MMD: variants seen among roughly 807,000 people sequenced by gnomAD.
MMD encodes the protein monocyte to macrophage differentiation factor.
Under a neutral mutation model 33.6 loss-of-function variants are expected in MMD, and 22 were observed. The ratio of observed to expected loss-of-function variants is 0.66; its 90% CI spans 0.47 to 0.94. MMD has a LOEUF of 0.94. Ranked by LOEUF, MMD falls within the 40% of genes least tolerant of loss-of-function variation. The pLI, the probability that MMD is intolerant of heterozygous loss-of-function variation, is 0.00. For missense variants in MMD, 242 were observed against 309.8 expected, an observed-to-expected ratio of 0.78 and a Z score of 1.64; for synonymous variants, 97 against 103.2, an observed-to-expected ratio of 0.94 and a Z score of 0.36.
At chr17:55,405,641 A>G (rs780066919) in intron 4 of MMD, among the ~76,000 whole-genome samples, 159 of 152,220 alleles carry the variant, frequency 1.0e-3, no homozygotes, top group Non-Finnish European at 1.8e-3. Context: ...TACTGAAATA[A>G]GCATTGTTCT....
chr17:55,398,445 T>A (rs1907205904), intron 6 of MMD, among the ~76,000 whole-genome samples: 1 of 151,936 alleles, frequency 6.6e-6, no homozygotes, highest in Non-Finnish European at 1.5e-5. Context: ...TCAGTATCTC[T>A]CCCGTCTTTT....
intron 2 of MMD, among the ~76,000 whole-genome samples, chr17:55,411,712 T>C (rs1907772280): frequency 6.6e-6 from 1 of 151,980 alleles, no homozygotes; most frequent in Admixed American, 6.5e-5. Context: ...TTTTTTATCC[T>C]AATTTCATTA....
intron 1 of MMD, among the ~76,000 whole-genome samples, chr17:55,418,943 G>C (rs189694627): frequency 3.7e-4 from 57 of 152,290 alleles, no homozygotes; most frequent in Non-Finnish European, 1.0e-4. Flanking sequence ...ATACAGTAGA[G>C]CTCTGTGGAT....
rs1907754464 is a variant in MMD at position 55,411,355 on chromosome 17, C to G, written c.171G>C (p.Trp57Cys). 4 of 1,613,960 alleles carry G rather than the reference C, an allele frequency of 2.5e-6. No individual in the cohort carries two copies. Among genetic ancestry groups the G allele is most frequent in the Non-Finnish European group, 3.4e-6 (4 of 1,179,926 alleles). Reference protein sequence around the residue: ...ALLHRLSDDCWEKITAWIYGM... With the variant: ...ALLHRLSDDCCEKITAWIYGM... The stretch of plus-strand genomic sequence containing the variant: ...CATAAATCCATGCTGTTATCTTTTC[C>G]CAGCAGTCATCAGACAGCCGATGGA... Residue 57 changes from tryptophan to cysteine, a missense_variant, in exon 3 of 7, where the codon TGG (tryptophan) becomes TGC (cysteine). Physicochemically the swap from Trp to Cys is radical, Grantham distance 215. Coordinates refer to ENST00000262065, the MANE Select transcript of MMD (RefSeq NM_012329.3).
intron 5 of MMD, among the ~76,000 whole-genome samples, chr17:55,402,986 T>C (rs562547012): frequency 6.6e-6 from 1 of 152,328 alleles, no homozygotes; most frequent in African/African-American, 2.4e-5. Context: ...CAGAATTTAA[T>C]GAACTGTAAA....
intron 1 of MMD, 151 bp downstream of exon 1, chr17:55,421,519 T>G: frequency 1.8e-6 from 2 of 1,105,262 alleles, no homozygotes. Context: ...GACAGCAGGG[T>G]GGGGAATCCC....
At position 55,411,252 on chromosome 17, in the gene MMD, T is replaced by C; in HGVS notation, c.269+5A>G. 1 of 1,611,198 alleles carries C rather than the reference T, an allele frequency of 6.2e-7. No homozygotes were observed. Among genetic ancestry groups the C allele is most frequent in the Non-Finnish European group, 8.5e-7 (1 of 1,178,754 alleles). On this transcript the variant is annotated splice_donor_5th_base_variant and intron_variant, in intron 3 of 6. Coordinates refer to ENST00000262065, the MANE Select transcript of MMD (RefSeq NM_012329.3). ...TCTGTTGAAACAGCATGTCATCCAC[T>C]GTACCTTAAGTGGCTCTTTTTCCAT...
chr17:55,407,658 G>T, intron 4 of MMD, 88 bp downstream of exon 4: 2 of 1,208,298 alleles, frequency 1.7e-6, no homozygotes, highest in Non-Finnish European at 2.4e-6. Flanking sequence ...AGGGCTGAGG[G>T]TGGGGACAAG....
intron 5 of MMD, among the ~76,000 whole-genome samples, chr17:55,401,897 C>A (rs1293341451): frequency 1.3e-5 from 2 of 151,920 alleles, no homozygotes; most frequent in African/African-American, 4.8e-5. Context: ...CACGGTGAAA[C>A]CCGTCCCTAC....
Position 55,411,275 on chromosome 17 carries a change from C to T in MMD, c.251G>A (p.Trp84Ter). The T allele has an allele frequency of 6.2e-7, 1 of 1,612,194 alleles. No individual in the cohort carries two copies. Among genetic ancestry groups the T allele is most frequent in the Non-Finnish European group, 8.5e-7 (1 of 1,179,458 alleles). Residue 84 changes from tryptophan (W) to a stop codon, truncating the protein, a stop_gained, in exon 3 of 7, where the codon TGG (tryptophan) becomes TAG (stop). Transcript: ENST00000262065. LOFTEE classifies it high-confidence loss of function. Reference protein sequence around the residue: ...IVSTVFHIVSWKKSHLRTVEH... With the variant: ...IVSTVFHIVS ...ACTGTACCTTAAGTGGCTCTTTTTC[C>T]ATGATACAATGTGAAATACTGTAGA...
intron 6 of MMD, among the ~76,000 whole-genome samples, chr17:55,395,209 G>A (rs926946610): frequency 6.6e-6 from 1 of 152,210 alleles, no homozygotes; most frequent in Non-Finnish European, 1.5e-5. Flanking sequence ...TAGGGCAGAA[G>A]GGAGAATTTT....
chr17:55,394,577 C>A, intron 6 of MMD, 43 bp from the exon 7 acceptor site: 1 of 1,359,406 alleles, frequency 7.4e-7, no homozygotes, highest in Non-Finnish European at 9.6e-7. Flanking sequence ...TGATGTTACT[C>A]TGCATGGCAA....
chr17:55,405,833 G>A (rs1229673768), intron 4 of MMD, among the ~76,000 whole-genome samples: 1 of 152,150 alleles, frequency 6.6e-6, no homozygotes. Flanking sequence ...TGTTTCTAAT[G>A]ACTACAATAG....
At chr17:55,414,842 G>A (rs1024691710) in intron 1 of MMD, among the ~76,000 whole-genome samples, 4 of 152,150 alleles carry the variant, frequency 2.6e-5, no homozygotes, top group South Asian at 2.1e-4. Flanking sequence ...ACTTAAAACC[G>A]GAGGTATGTT....
At chr17:55,419,306 T>C (rs1222219670) in intron 1 of MMD, among the ~76,000 whole-genome samples, 1 of 152,216 alleles carries the variant, frequency 6.6e-6, no homozygotes, top group Admixed American at 6.5e-5. Context: ...TGACTTTGTG[T>C]TTGTCTATGT....
intron 3 of MMD, among the ~76,000 whole-genome samples, chr17:55,410,851 C>T (rs1029032426): frequency 6.6e-6 from 1 of 152,144 alleles, no homozygotes; most frequent in Admixed American, 6.5e-5. Flanking sequence ...GTGATTTACC[C>T]AAAATTAAAG....
chr17:55,408,483 G>A (rs1907642468), intron 3 of MMD, among the ~76,000 whole-genome samples: 1 of 152,170 alleles, frequency 6.6e-6, no homozygotes. Context: ...TATGTACAAA[G>A]AGTTTGGTTC....
intron 6 of MMD, among the ~76,000 whole-genome samples, chr17:55,399,666 G>A (rs1326272413): frequency 1.3e-5 from 2 of 151,898 alleles, no homozygotes; most frequent in African/African-American, 2.4e-5. Context: ...ACTTCCTCTG[G>A]TACTTCTGTC....
chr17:55,397,588 G>A (rs759287145), intron 6 of MMD, among the ~76,000 whole-genome samples: 6 of 151,802 alleles, frequency 4.0e-5, no homozygotes, highest in African/African-American at 1.5e-4. Flanking sequence ...GCAGTGGCCC[G>A]ACCTCAGCTC....
Sources: gnomAD v4.1 joint callset for allele counts (sites outside exome capture counted in the v4.1 genomes callset) on GRCh38, gnomAD v4.1.1 for gene constraint, MANE v1.5 for transcripts, NCBI Gene and HGNC (gene_info 2026-07-23, HGNC 2026-07-21) for gene names.